SYNPR: variants seen among roughly 807,000 people sequenced by gnomAD.
SYNPR encodes synaptoporin.
In SYNPR, 23 loss-of-function variants were observed where a neutral mutation model predicts 32.9. The ratio of observed to expected loss-of-function variants is 0.70; its 90% CI spans 0.50 to 0.99. The LOEUF is 0.99. Ranked by LOEUF, SYNPR falls within the 50% of genes least tolerant of loss-of-function variation. The pLI, the probability that SYNPR is intolerant of heterozygous loss-of-function variation, is 0.00. For synonymous variants in SYNPR, 146 were observed against 135.9 expected, an observed-to-expected ratio of 1.07 and a Z score of -0.52; for missense variants, 318 against 349.3, an observed-to-expected ratio of 0.91 and a Z score of 0.71.
intron 5 of SYNPR, among the ~76,000 whole-genome samples, chr3:63,611,386 A>C (rs1173054675): frequency 1.3e-5 from 2 of 152,238 alleles, no homozygotes; most frequent in Admixed American, 1.3e-4. Context: ...TCTGCAAAGA[A>C]AATCAGATTT....
rs551757893 is a variant in SYNPR at position 63,592,001 on chromosome 3, A to T, written c.409-17124A>T. On this transcript the variant is annotated intron_variant, in intron 4 of 5. Transcript: ENST00000478300. ...TTATTTGAAACAGGGGTCTTTGCAG[A>T]TGTAATTCAGTTAAGGATCTCATAA... Among the ~76,000 whole-genome samples, 20 of 152,030 alleles carry T rather than the reference A, an allele frequency of 1.3e-4. 1 individual carries two copies. The South Asian group carries it at 2.9e-3, about 22-fold the overall frequency.
chr3:63,477,551 G>A (rs534617668), intron 2 of SYNPR, among the ~76,000 whole-genome samples: 1 of 152,246 alleles, frequency 6.6e-6, no homozygotes, highest in South Asian at 2.1e-4. Flanking sequence ...TTATTCAGCA[G>A]CTCTCTCATC....
chr3:63,375,217 C>G (rs1224895062), intron 2 of SYNPR, among the ~76,000 whole-genome samples: 5 of 152,140 alleles, frequency 3.3e-5, no homozygotes, highest in African/African-American at 1.2e-4. Context: ...AATCCCATTA[C>G]TGGTTATATA....
chr3:63,340,962 C>T (rs1213586005), intron 2 of SYNPR, among the ~76,000 whole-genome samples: 1 of 152,096 alleles, frequency 6.6e-6, no homozygotes, highest in Non-Finnish European at 1.5e-5. Context: ...TGCATGAGGT[C>T]GTGTATGCAC....
intron 2 of SYNPR, among the ~76,000 whole-genome samples, chr3:63,261,732 A>C (rs554822515): frequency 6.6e-6 from 1 of 150,584 alleles, no homozygotes; most frequent in African/African-American, 2.4e-5. Flanking sequence ...TAATAATAAT[A>C]ATAATAGTAA....
chr3:63,224,546 G>C (rs984935108), upstream of SYNPR, among the ~76,000 whole-genome samples: 1 of 152,142 alleles, frequency 6.6e-6, no homozygotes, highest in African/African-American at 2.4e-5. Context: ...GAAATAAAGG[G>C]ACAACCTACA....
chr3:63,468,810 C>T (rs909001514), intron 2 of SYNPR, among the ~76,000 whole-genome samples: 1 of 151,956 alleles, frequency 6.6e-6, no homozygotes, highest in South Asian at 2.1e-4. Context: ...CAAAAACATA[C>T]AAACAAACAA....
chr3:63,400,890 T>A (rs1006939687), intron 2 of SYNPR, among the ~76,000 whole-genome samples: 1 of 152,076 alleles, frequency 6.6e-6, no homozygotes. Flanking sequence ...GTAGGGCCAG[T>A]GTGTGAAGAG....
chr3:63,422,824 A>T (rs890926355), intron 2 of SYNPR, among the ~76,000 whole-genome samples: 1 of 152,132 alleles, frequency 6.6e-6, no homozygotes, highest in African/African-American at 2.4e-5. Context: ...AAACTCACCC[A>T]TTTCCACCAA....
chr3:63,231,365 T>C (rs1648083400), intron 1 of SYNPR, among the ~76,000 whole-genome samples: 1 of 152,008 alleles, frequency 6.6e-6, no homozygotes, highest in Non-Finnish European at 1.5e-5. Flanking sequence ...AAAGACTACA[T>C]ATTGGATACA....
At chr3:63,598,352 T>C (rs372174185) in intron 4 of SYNPR, among the ~76,000 whole-genome samples, 9 of 152,160 alleles carry the variant, frequency 5.9e-5, no homozygotes, top group East Asian at 3.9e-4. Flanking sequence ...ATTAATTACA[T>C]TTAGAAAAAA....
intron 4 of SYNPR, among the ~76,000 whole-genome samples, chr3:63,565,552 C>T (rs1004290259): frequency 2.6e-5 from 4 of 152,304 alleles, no homozygotes; most frequent in Admixed American, 2.6e-4. Flanking sequence ...GGGAGGGGCC[C>T]TCATGGTCTA....
intron 5 of SYNPR, chr3:63,610,526 C>A (rs1480777060): frequency 1.4e-6 from 1 of 700,056 alleles, no homozygotes; most frequent in Admixed American, 2.0e-5. Flanking sequence ...AGGGTTGCTA[C>A]TCTGACTGGA....
intron 3 of SYNPR, among the ~76,000 whole-genome samples, chr3:63,526,417 C>T (rs1702014679): frequency 1.3e-5 from 2 of 152,186 alleles, no homozygotes; most frequent in South Asian, 4.1e-4. Context: ...CCAAAGAGAA[C>T]TGGGATCATT....
chr3:63,545,953 C>G (rs147111931), intron 3 of SYNPR, among the ~76,000 whole-genome samples: 1 of 151,940 alleles, frequency 6.6e-6, no homozygotes, highest in Non-Finnish European at 1.5e-5. Context: ...CTATACTAAC[C>G]GAATAAAATA....
intron 4 of SYNPR, among the ~76,000 whole-genome samples, chr3:63,602,643 A>G (rs901536118): frequency 2.6e-5 from 4 of 152,178 alleles, no homozygotes; most frequent in African/African-American, 4.8e-5. Context: ...TTTGTCAAAG[A>G]TCAGATGGTT....
In SYNPR at chr3:63,287,296, C is replaced by T. The variant is rs143225643; in HGVS notation, c.84+8554C>T. ...CTTGCTGTTCTCATGAACTTTTGTACATGCCACTTCCACTGCCCAGAATGC... is the reference window on the plus strand; with the variant it reads ...CTTGCTGTTCTCATGAACTTTTGTATATGCCACTTCCACTGCCCAGAATGC... On this transcript the variant is annotated intron_variant, in intron 2 of 5. Coordinates refer to ENST00000478300, the MANE Select transcript of SYNPR (RefSeq NM_001130003.2). Among the ~76,000 whole-genome samples, 244 of 152,230 alleles carry T rather than the reference C, an allele frequency of 1.6e-3. 1 individual carries two copies. Among genetic ancestry groups the T allele is most frequent in the African/African-American group, 5.5e-3 (227 of 41,536 alleles).
At chr3:63,208,883 A>G in the SYNPR span, among the ~76,000 whole-genome samples, 1 of 152,268 alleles carries the variant, frequency 6.6e-6, no homozygotes, top group African/African-American at 2.4e-5. Flanking sequence ...AAAGAAATCT[A>G]TTTACCTTTT....
chr3:63,314,574 G>A (rs2087021109), intron 2 of SYNPR, among the ~76,000 whole-genome samples: 1 of 151,716 alleles, frequency 6.6e-6, no homozygotes, highest in South Asian at 2.1e-4. Context: ...TGATGGGATT[G>A]TATTTTTTCT....
Sources: allele counts gnomAD v4.1 joint callset (sites outside exome capture counted in the v4.1 genomes callset), GRCh38; gene constraint gnomAD v4.1.1; transcripts MANE v1.5; gene names NCBI Gene and HGNC (gene_info 2026-07-23, HGNC 2026-07-21).